Variants in PTPRD observed in about 807,000 individuals in gnomAD.
PTPRD encodes the protein protein tyrosine phosphatase receptor type D.
In PTPRD, 34 loss-of-function variants were observed where a neutral mutation model predicts 214.5. The ratio of observed to expected loss-of-function variants is 0.16; its 90% CI spans 0.12 to 0.21. The LOEUF is 0.21. Among genes scored for constraint, PTPRD ranks in the 10% least tolerant of loss-of-function variants. The probability of loss-of-function intolerance (pLI) is 1.00; values close to 1 mark genes in which losing one functional copy is unlikely to be tolerated. For synonymous variants in PTPRD, 1,128 were observed against 845.7 expected (o/e 1.33, Z -5.79); for missense variants, 2,545 against 2,398.7 (o/e 1.06, Z -1.27).
chr9:8,411,463 C>G (rs1273219571), intron 35 of PTPRD, among the ~76,000 whole-genome samples: 2 of 152,016 alleles, frequency 1.3e-5, no homozygotes, highest in Non-Finnish European at 2.9e-5. Context: ...GTCACCATGC[C>G]TGGCTAACTT....
intron 7 of PTPRD, among the ~76,000 whole-genome samples, chr9:9,645,644 A>AT (rs1485753183): frequency 1.3e-5 from 2 of 151,718 alleles, no homozygotes; most frequent in East Asian, 3.9e-4. Context: ...ACTCATTTGG[A>AT]TTTTTTCCCC....
intron 4 of PTPRD, among the ~76,000 whole-genome samples, chr9:9,962,604 T>C (rs1175633618): frequency 2.0e-5 from 3 of 152,088 alleles, no homozygotes; most frequent in Non-Finnish European, 4.4e-5. Context: ...CCAACATTAT[T>C]TCAGTTGTCT....
chr9:9,412,275 G>A (rs997903233), intron 8 of PTPRD, among the ~76,000 whole-genome samples: 1 of 151,904 alleles, frequency 6.6e-6, no homozygotes, highest in Non-Finnish European at 1.5e-5. Context: ...TGTAAATTTG[G>A]TATTTGTGGC....
intron 3 of PTPRD, among the ~76,000 whole-genome samples, chr9:10,171,414 G>A (rs540533446): frequency 2.0e-5 from 3 of 152,240 alleles, no homozygotes; most frequent in Non-Finnish European, 2.9e-5. Flanking sequence ...CCACGGACAT[G>A]TAGGAAGTTC....
chr9:8,349,120 T>TC (rs2133067971), intron 39 of PTPRD, among the ~76,000 whole-genome samples: 1 of 152,262 alleles, frequency 6.6e-6, no homozygotes, highest in East Asian at 1.9e-4. Context: ...GGGGAACATT[T>TC]CCCCGAAGCC....
At chr9:10,401,930 A>G (rs1472705717) in intron 2 of PTPRD, among the ~76,000 whole-genome samples, 1 of 151,364 alleles carries the variant, frequency 6.6e-6, no homozygotes, top group Non-Finnish European at 1.5e-5. Flanking sequence ...GAATTTGCCC[A>G]AAATAAAAAG....
At chr9:9,837,291 T>C (rs2057042385) in intron 5 of PTPRD, among the ~76,000 whole-genome samples, 1 of 152,140 alleles carries the variant, frequency 6.6e-6, no homozygotes, top group South Asian at 2.1e-4. Context: ...TATGGGACTA[T>C]TCTTTTGAGA....
At chr9:9,543,269 C>A (rs1048404335) in intron 8 of PTPRD, among the ~76,000 whole-genome samples, 3 of 151,496 alleles carry the variant, frequency 2.0e-5, no homozygotes, top group East Asian at 1.9e-4. Context: ...TATGGGGATG[C>A]TATTCAGAAA....
At chr9:8,494,322 A>C (rs894959861) in intron 26 of PTPRD, among the ~76,000 whole-genome samples, 1 of 152,200 alleles carries the variant, frequency 6.6e-6, no homozygotes. Context: ...CAAGAAGTTC[A>C]GATATCATCC....
intron 4 of PTPRD, among the ~76,000 whole-genome samples, chr9:10,023,583 C>T (rs1028559965): frequency 1.3e-5 from 2 of 151,172 alleles, no homozygotes; most frequent in Non-Finnish European, 2.9e-5. Context: ...TGATCATGAT[C>T]TCTCATGCAT....
At chr9:10,133,574 A>G (rs2098918747) in intron 3 of PTPRD, among the ~76,000 whole-genome samples, 1 of 152,314 alleles carries the variant, frequency 6.6e-6, no homozygotes, top group East Asian at 1.9e-4. Flanking sequence ...ATGTAAACTA[A>G]TATATAATGT....
At chr9:9,523,224 C>A (rs1044578011) in intron 8 of PTPRD, among the ~76,000 whole-genome samples, 1 of 152,008 alleles carries the variant, frequency 6.6e-6, no homozygotes, top group South Asian at 2.1e-4. Context: ...ATAATTGGTA[C>A]TTTAGGCAAA....
At chr9:9,084,362 T>C (rs745572204) in intron 10 of PTPRD, among the ~76,000 whole-genome samples, 6 of 152,152 alleles carry the variant, frequency 3.9e-5, no homozygotes, top group Non-Finnish European at 8.8e-5. Context: ...TGAGAACATA[T>C]GGACACAGGG....
At chr9:8,879,203 G>C (rs1471102315) in intron 11 of PTPRD, among the ~76,000 whole-genome samples, 3 of 152,114 alleles carry the variant, frequency 2.0e-5, no homozygotes, top group African/African-American at 7.2e-5. Context: ...AATAAGATCT[G>C]TTAGCTGAGA....
intron 9 of PTPRD, among the ~76,000 whole-genome samples, chr9:9,282,222 CCAAAG>C (rs1309897810): frequency 1.3e-5 from 2 of 151,090 alleles, no homozygotes; most frequent in African/African-American, 4.8e-5. Context: ...ATGCAGACAT[CCAAAG>C]TTGGGTAATA....
At chr9:8,660,458 G>A (rs1368947037) in intron 12 of PTPRD, among the ~76,000 whole-genome samples, 3 of 152,104 alleles carry the variant, frequency 2.0e-5, no homozygotes, top group Non-Finnish European at 2.9e-5. Flanking sequence ...CAAATTAGTT[G>A]GAGTCATAAA....
intron 10 of PTPRD, among the ~76,000 whole-genome samples, chr9:9,068,501 C>G (rs568496843): frequency 3.0e-4 from 46 of 152,298 alleles, no homozygotes; most frequent in African/African-American, 9.1e-4. Context: ...TTCTGACATT[C>G]ACTATCATCT....
chr9:10,231,979 AGAGAGAGAGAGTGTGT>A (rs1343159282), intron 3 of PTPRD, among the ~76,000 whole-genome samples: 132 of 115,132 alleles, frequency 1.1e-3, no homozygotes, highest in African/African-American at 4.6e-3. Flanking sequence ...AGAGAGAGAG[AGAGAGAGAGAGTGTGT>A]GTGTGTGTGT....
chr9:8,716,512 T>C (rs1342857229), intron 12 of PTPRD, among the ~76,000 whole-genome samples: 1 of 150,252 alleles, frequency 6.7e-6, no homozygotes, highest in Non-Finnish European at 1.5e-5. Flanking sequence ...TTGAGAAATT[T>C]TATTCATTTC....
Sources: allele counts gnomAD v4.1 joint callset (sites outside exome capture counted in the v4.1 genomes callset), GRCh38; gene constraint gnomAD v4.1.1; transcripts MANE v1.5; gene names NCBI Gene and HGNC (gene_info 2026-07-23, HGNC 2026-07-21).